The following DAB1 variants were observed in gnomAD, a reference collection of about 807,000 sequenced individuals.
The protein encoded by DAB1 is disabled homolog 1.
DAB1 carries 15 observed loss-of-function variants against 64.6 expected under a neutral mutation model. The ratio of observed to expected loss-of-function variants is 0.23; its 90% CI spans 0.16 to 0.36. The LOEUF (loss-of-function observed/expected upper bound fraction) is 0.36, where lower values mean the gene tolerates loss of function less well. Among genes scored for constraint, DAB1 ranks in the 10% least tolerant of loss-of-function variants. The pLI is 1.00. For missense variants in DAB1, 596 were observed against 706.7 expected (o/e 0.84, Z 1.78); for synonymous variants, 235 against 251.9 (o/e 0.93, Z 0.64).
At chr1:57,277,328 A>G (rs1249402870) in intron 2 of DAB1, among the ~76,000 whole-genome samples, 4 of 152,186 alleles carry the variant, frequency 2.6e-5, no homozygotes, top group African/African-American at 9.7e-5. Flanking sequence ...ATAAACTGAG[A>G]GTAATATTTA....
At chr1:58,452,828 AAAAAAACAAAAAAC>A (rs372706638) in intron 3 of DAB1, among the ~76,000 whole-genome samples, 1 of 151,488 alleles carries the variant, frequency 6.6e-6, no homozygotes, top group African/African-American at 2.4e-5. Context: ...ACTCCATCTC[AAAAAAACAAAAAAC>A]AAAAAACAAA....
At chr1:57,024,843 G>T (rs939910015) in intron 10 of DAB1, among the ~76,000 whole-genome samples, 9 of 152,186 alleles carry the variant, frequency 5.9e-5, no homozygotes, top group Admixed American at 2.6e-4. Flanking sequence ...CAGGATAAAG[G>T]GTAGAATGAC....
chr1:57,816,042 G>A (rs536136170), intron 6 of DAB1, among the ~76,000 whole-genome samples: 16 of 152,154 alleles, frequency 1.1e-4, no homozygotes, highest in Non-Finnish European at 2.4e-4. Flanking sequence ...TGAGGGAGCC[G>A]TTTCTCTGCT....
intron 7 of DAB1, among the ~76,000 whole-genome samples, chr1:57,592,070 C>G (rs1645452033): frequency 6.6e-6 from 1 of 152,172 alleles, no homozygotes; most frequent in Admixed American, 6.5e-5. Flanking sequence ...TGTGAAATCC[C>G]TTTAGCAGAA....
At chr1:58,530,775 C>G (rs746634042) in intron 1 of DAB1, 4 of 848,138 alleles carry the variant, frequency 4.7e-6, no homozygotes, top group Non-Finnish European at 8.2e-6. Flanking sequence ...TACATTGAGA[C>G]AGTATATGCT....
At chr1:57,672,956 GATC>G (rs1430735970) in intron 6 of DAB1, among the ~76,000 whole-genome samples, 3 of 152,320 alleles carry the variant, frequency 2.0e-5, no homozygotes, top group Non-Finnish European at 1.5e-5. Context: ...GATCAAGAGA[GATC>G]ATCATAGTGA....
At chr1:57,442,808 T>C (rs533988546) in intron 7 of DAB1, among the ~76,000 whole-genome samples, 2 of 152,368 alleles carry the variant, frequency 1.3e-5, no homozygotes, top group South Asian at 4.1e-4. Context: ...GAAACTATTT[T>C]AGAAGCTGCC....
chr1:57,366,559 T>C (rs778701822), intron 1 of DAB1, among the ~76,000 whole-genome samples: 2 of 152,246 alleles, frequency 1.3e-5, no homozygotes, highest in Non-Finnish European at 2.9e-5. Flanking sequence ...GTTTCACACA[T>C]GGCAGTGGCT....
chr1:57,320,341 A>G (rs896051249), intron 1 of DAB1, among the ~76,000 whole-genome samples: 2 of 152,170 alleles, frequency 1.3e-5, no homozygotes, highest in African/African-American at 2.4e-5. Flanking sequence ...CAGTGTGAAA[A>G]CTGACTAACA....
intron 5 of DAB1, among the ~76,000 whole-genome samples, chr1:58,036,921 C>T (rs1484478429): frequency 1.3e-5 from 2 of 152,170 alleles, no homozygotes; most frequent in Middle Eastern, 3.2e-3. Flanking sequence ...CATGTGCCTG[C>T]CTTGCATTGG....
chr1:57,374,254 A>T (rs1680725726), intron 1 of DAB1, among the ~76,000 whole-genome samples: 1 of 152,222 alleles, frequency 6.6e-6, no homozygotes, highest in African/African-American at 2.4e-5. Context: ...TAAACAAAAC[A>T]TCTTAAGAAT....
At chr1:58,394,033 A>G (rs1173024152) in intron 3 of DAB1, among the ~76,000 whole-genome samples, 1 of 152,176 alleles carries the variant, frequency 6.6e-6, no homozygotes, top group Non-Finnish European at 1.5e-5. Flanking sequence ...AAAAATATGA[A>G]AATAATACTT....
chr1:58,363,915 C>T (rs983067528), intron 3 of DAB1, among the ~76,000 whole-genome samples: 4 of 152,176 alleles, frequency 2.6e-5, no homozygotes, highest in Admixed American at 6.5e-5. Context: ...TAGAACAGTG[C>T]ATGGATTGGG....
intron 7 of DAB1, among the ~76,000 whole-genome samples, chr1:57,606,659 G>GAAAT (rs1645653821): frequency 2.4e-5 from 2 of 84,708 alleles, no homozygotes; most frequent in Non-Finnish European, 4.3e-5. Context: ...TATTATGTAT[G>GAAAT]AAATATATAT....
chr1:57,344,447 C>T (rs1032042247), intron 1 of DAB1, among the ~76,000 whole-genome samples: 2 of 152,116 alleles, frequency 1.3e-5, no homozygotes, highest in Non-Finnish European at 2.9e-5. Flanking sequence ...ACTGTGAAAG[C>T]TAATTTAAAA....
chr1:58,508,706 G>A (rs904682081), intron 2 of DAB1, among the ~76,000 whole-genome samples: 6 of 151,864 alleles, frequency 4.0e-5, no homozygotes, highest in African/African-American at 9.7e-5. Flanking sequence ...AATCTAAAAC[G>A]CCCTAGATAT....
intron 1 of DAB1, among the ~76,000 whole-genome samples, chr1:57,845,423 G>A (rs1401823622): frequency 6.6e-6 from 1 of 152,178 alleles, no homozygotes; most frequent in African/African-American, 2.4e-5. Flanking sequence ...TGGTAGTCTT[G>A]CAGATATGAT....
intron 6 of DAB1, among the ~76,000 whole-genome samples, chr1:57,781,112 CTCTCTCTCTCTCTCTATA>C (rs1650056330): frequency 3.2e-5 from 2 of 62,646 alleles, no homozygotes; most frequent in South Asian, 6.8e-4. Context: ...CTCTCTCTCT[CTCTCTCTCTCTCTCTATA>C]TATATATATA....
At chr1:57,909,545 T>C (rs1202801) in intron 5 of DAB1, among the ~76,000 whole-genome samples, 29,553 of 152,144 alleles carry the variant, frequency 0.19, 3,322 homozygotes, top group Admixed American at 0.27. Flanking sequence ...CTTTGTATCA[T>C]CTAGTTAGAG....
Sources: allele counts gnomAD v4.1 joint callset (sites outside exome capture counted in the v4.1 genomes callset), GRCh38; gene constraint gnomAD v4.1.1; transcripts MANE v1.5; gene names NCBI Gene and HGNC (gene_info 2026-07-23, HGNC 2026-07-21).